Variants in BPNT1 observed in about 807,000 individuals in gnomAD.
BPNT1 encodes the protein 3'(2'), 5'-bisphosphate nucleotidase 1.
Under a neutral mutation model 36.9 loss-of-function variants are expected in BPNT1, and 28 were observed. The observed-to-expected ratio is 0.76, with a 90% CI of 0.56 to 1.04. The LOEUF is 1.04. Among genes scored for constraint, BPNT1 ranks in the 50% least tolerant of loss-of-function variants. The pLI, the probability that BPNT1 is intolerant of heterozygous loss-of-function variation, is 0.00. For missense variants in BPNT1, 313 were observed against 372.9 expected (o/e 0.84, Z 1.32); for synonymous variants, 119 against 130.9 (o/e 0.91, Z 0.62).
chr1:220,067,792 G>A lies in BPNT1; in HGVS notation c.383-399C>T, dbSNP rs192951465. On this transcript the variant is annotated intron_variant, in intron 5 of 8. Transcript: ENST00000322067. The stretch of plus-strand genomic sequence containing the variant: ...CCTTTAAAACAGAGTTTCTCAAAGG[G>A]AGGCCCAAGGACTATCAAGCAGCAT... 2.0e-5 allele frequency among the ~76,000 whole-genome samples: 3 copies of A among 152,228 alleles called. No homozygotes were observed. In the South Asian group the frequency reaches 6.2e-4, roughly 32 times the overall value.
At chr1:220,078,470 A>C (rs996570209) in intron 2 of BPNT1, among the ~76,000 whole-genome samples, 1 of 96,714 alleles carries the variant, frequency 1.0e-5, no homozygotes, top group Non-Finnish European at 1.9e-5. Flanking sequence ...ATAATAAATA[A>C]TTTATAATAA....
chr1:220,088,559 G>A (rs1424147946), intron 1 of BPNT1, among the ~76,000 whole-genome samples: 3 of 151,542 alleles, frequency 2.0e-5, no homozygotes, highest in Non-Finnish European at 4.4e-5. Context: ...GGAGGCCAAG[G>A]CTGGTGTATT....
Position 220,058,411 on chromosome 1 carries a change from TGCTC to T in BPNT1, c.*429_*432del, listed in dbSNP as rs1662711093. 1 of 962,586 alleles carries T rather than the reference TGCTC, an allele frequency of 1.0e-6. No individual in the cohort carries two copies. Among genetic ancestry groups the T allele is most frequent in the Non-Finnish European group, 1.2e-6 (1 of 807,978 alleles). The allele number at this position is 962,586 out of a possible 1,614,324, so 59.6% of individuals were successfully genotyped here. Reference sequence around the variant, plus strand: ...AATATAATAACTAAATATAAATCACTGCTCAACAATGAATAAAGGTGGAACTCTA... The same window carrying T: ...AATATAATAACTAAATATAAATCACTAACAATGAATAAAGGTGGAACTCTA... On this transcript the variant is annotated 3_prime_UTR_variant, in exon 9 of 9. Transcript: ENST00000322067.
intron 2 of BPNT1, among the ~76,000 whole-genome samples, chr1:220,078,459 AATAATAAATAATTT>A (rs1175069567): frequency 1.7e-5 from 2 of 120,342 alleles, no homozygotes; most frequent in Non-Finnish European, 3.3e-5. Flanking sequence ...CTTATATATA[AATAATAAATAATTT>A]ATAATAAATA....
chr1:220,086,130 A>G (rs903139867), intron 1 of BPNT1, among the ~76,000 whole-genome samples: 9 of 152,364 alleles, frequency 5.9e-5, no homozygotes, highest in African/African-American at 1.9e-4. Context: ...TTTAATCAAC[A>G]TATGATATAA....
At chr1:220,068,992 A>T (rs1469995240) in intron 5 of BPNT1, among the ~76,000 whole-genome samples, 1 of 152,210 alleles carries the variant, frequency 6.6e-6, no homozygotes, top group East Asian at 1.9e-4. Context: ...TTCACAGATT[A>T]GGGGAGAGTG....
intron 7 of BPNT1, 61 bp from the exon 8 acceptor site, chr1:220,059,852 A>G (rs1474428495): frequency 2.3e-6 from 3 of 1,319,272 alleles, no homozygotes; most frequent in East Asian, 4.8e-5. Flanking sequence ...AAAGTCATGA[A>G]AAGATTGAGG....
Position 220,057,984 on chromosome 1 carries a change from T to C in BPNT1, c.*860A>G, listed in dbSNP as rs528327352. ...CGATGTCAGGAGATCAAGACCATCC[T>C]GGCTAACACGGTGAAACACCTTCTC... is the stretch of plus-strand genomic sequence containing the variant. On this transcript the variant is annotated 3_prime_UTR_variant, in exon 9 of 9. Coordinates refer to ENST00000322067, the MANE Select transcript of BPNT1 (RefSeq NM_006085.6). 1.3e-4 allele frequency: 87 copies of C among 673,242 alleles called. No homozygotes were observed. In the South Asian group the frequency reaches 1.7e-3, roughly 13 times the overall value. The allele number at this position is 673,242 out of a possible 1,614,324, so 41.7% of individuals were successfully genotyped here.
At chr1:220,076,292 G>A (rs115979583) in intron 2 of BPNT1, among the ~76,000 whole-genome samples, 4,071 of 152,108 alleles carry the variant, frequency 0.027, 97 homozygotes, top group East Asian at 0.07. Flanking sequence ...CCGAGGTCAG[G>A]AGTTTGAGAC....
chr1:220,078,658 T>A (rs1664824892), intron 2 of BPNT1, among the ~76,000 whole-genome samples: 1 of 150,404 alleles, frequency 6.6e-6, no homozygotes, highest in Non-Finnish European at 1.5e-5. Context: ...AGTGCAATGG[T>A]GTGATCTCAG....
intron 1 of BPNT1, among the ~76,000 whole-genome samples, chr1:220,088,808 A>C (rs985980714): frequency 6.0e-5 from 9 of 150,964 alleles, no homozygotes; most frequent in Non-Finnish European, 4.4e-5. Flanking sequence ...AAAAAAAAGA[A>C]AGAAAGAAAG....
At chr1:220,068,208 G>C (rs1285533922) in intron 5 of BPNT1, among the ~76,000 whole-genome samples, 2 of 151,548 alleles carry the variant, frequency 1.3e-5, no homozygotes, top group Non-Finnish European at 2.9e-5. Flanking sequence ...TTTTGAAACA[G>C]AGTCTTGCTC....
chr1:220,087,605 G>A (rs1161356697), intron 1 of BPNT1, among the ~76,000 whole-genome samples: 1 of 151,756 alleles, frequency 6.6e-6, no homozygotes, highest in Non-Finnish European at 1.5e-5. Flanking sequence ...ACTTCTACAT[G>A]GCCAAAATAC....
At chr1:220,067,540 C>T (rs1663649648) in intron 5 of BPNT1, 147 bp from the exon 6 acceptor site, 1 of 481,408 alleles carries the variant, frequency 2.1e-6, no homozygotes, top group African/African-American at 2.0e-5. Context: ...TAGTGAAAGG[C>T]ATAAATGATA....
chr1:220,078,267 G>A (rs1664738221), intron 2 of BPNT1, among the ~76,000 whole-genome samples: 1 of 142,816 alleles, frequency 7.0e-6, no homozygotes, highest in Admixed American at 7.2e-5. Flanking sequence ...TGTAAAATTT[G>A]TAATGTGAAG....
At chr1:220,080,108 C>A (rs1341385896) in intron 1 of BPNT1, among the ~76,000 whole-genome samples, 1 of 152,090 alleles carries the variant, frequency 6.6e-6, no homozygotes, top group Non-Finnish European at 1.5e-5. Flanking sequence ...GAGAAACTGG[C>A]CCAGGATGCT....
rs1191295216 is a variant in BPNT1, at chr1:220,059,009, A to G, written c.779-17T>C. ...TTAACTTGCCTATAGAAAAACATCA[A>G]TCAATCAATCAAGTTAGTGGCTAAT... On this transcript the variant is annotated splice_polypyrimidine_tract_variant and intron_variant, in intron 8 of 8. Transcript: ENST00000322067. The G allele has an allele frequency of 9.3e-6, 15 of 1,612,052 alleles. No homozygotes were observed. The African/African-American group carries it at 1.6e-4, about 17-fold the overall frequency.
intron 3 of BPNT1, 100 bp downstream of exon 3, chr1:220,073,867 T>C: frequency 1.9e-6 from 2 of 1,027,426 alleles, no homozygotes; most frequent in Non-Finnish European, 3.0e-6. Context: ...ATAAATATAA[T>C]GCTTAAAATC....
At chr1:220,066,060 C>A in intron 6 of BPNT1, 1 of 1,514,740 alleles carries the variant, frequency 6.6e-7, no homozygotes, top group Non-Finnish European at 8.8e-7. Flanking sequence ...AAAACCCTAG[C>A]TATTTTTCTC....
Sources: gnomAD v4.1 joint callset for allele counts (sites outside exome capture counted in the v4.1 genomes callset) on GRCh38, gnomAD v4.1.1 for gene constraint, MANE v1.5 for transcripts, NCBI Gene and HGNC (gene_info 2026-07-23, HGNC 2026-07-21) for gene names.